The following SFPQ variants were observed in gnomAD, a reference collection of about 807,000 sequenced individuals.
The protein encoded by SFPQ is splicing factor proline and glutamine rich, also known as splicing factor, proline- and glutamine-rich.
A neutral mutation model predicts 72.9 loss-of-function variants in SFPQ; 11 were observed. That is an observed-to-expected ratio of 0.15 (90% CI 0.09 to 0.25). The LOEUF (loss-of-function observed/expected upper bound fraction) is 0.25. SFPQ is among the 10% of genes least tolerant of loss of function. The probability of loss-of-function intolerance (pLI) is 1.00; values close to 1 mark genes in which losing one functional copy is unlikely to be tolerated. For synonymous variants in SFPQ, 506 were observed against 367.3 expected, an observed-to-expected ratio of 1.38 and a Z score of -4.32; for missense variants, 847 against 993.3, an observed-to-expected ratio of 0.85 and a Z score of 1.98.
In SFPQ at chr1:35,183,667, GT is replaced by G; in HGVS notation, c.*788del. 1.9e-6 allele frequency: 2 copies of G among 1,038,804 alleles called. No individual in the cohort carries two copies. Among genetic ancestry groups the G allele is most frequent in the African/African-American group, 3.4e-5 (2 of 59,632 alleles). The allele number at this position is 1,038,804 out of a possible 1,614,324, so 64.3% of individuals were successfully genotyped here. A position where few individuals can be genotyped will look rare whatever the true frequency, so the allele number is the denominator to read the frequency against. ...AAGCCATTTATAGGGCTTGAGATTT[GT>G]TGGTCTTTTAAAAACAAGAAATGGG... On this transcript the variant is annotated 3_prime_UTR_variant, in exon 10 of 10. Coordinates refer to ENST00000357214, the MANE Select transcript of SFPQ (RefSeq NM_005066.3).
chr1:35,186,938 C>T, intron 9 of SFPQ, 63 bp downstream of exon 9: 8 of 1,524,578 alleles, frequency 5.2e-6, no homozygotes, highest in Non-Finnish European at 7.1e-6. Context: ...CAAAACAAAA[C>T]AAACACACCT....
Position 35,190,822 on chromosome 1 carries a change from A to G in SFPQ, c.1191T>C (p.Ile397=). Residue 397 remains isoleucine, a synonymous_variant, in exon 3 of 10, where the codon ATT becomes ATC. Transcript: ENST00000357214. ...CATCCACTATTACAACAGCCCTTTC[A>G]ATAGGACCAAATTGGCTAAAGGCTT... is the stretch of plus-strand genomic sequence containing the variant. ...LEEAFSQFGP[I]ERAVVIVDDR... is the part of the protein sequence containing the mutation. 6.2e-7 allele frequency: 1 copy of G among 1,614,190 alleles called. No homozygotes were observed. The highest frequency in any genetic ancestry group is 8.5e-7 in the Non-Finnish European group (1 of 1,180,036).
At chr1:35,188,765 T>C (rs1639851287) in intron 6 of SFPQ, among the ~76,000 whole-genome samples, 1 of 152,232 alleles carries the variant, frequency 6.6e-6, no homozygotes, top group South Asian at 2.1e-4. Flanking sequence ...AAGGCCAGCC[T>C]GGCCAACATG....
chr1:35,191,017 G>T, intron 2 of SFPQ, 22 bp from the exon 3 acceptor site: 1 of 1,595,964 alleles, frequency 6.3e-7, no homozygotes, highest in Non-Finnish European at 8.6e-7. Context: ...AGACACTCAT[G>T]TTAATGACCT....
chr1:35,177,906 A>G (rs1470243925), intron 4 of SFPQ: 3 of 514,562 alleles, frequency 5.8e-6, no homozygotes, highest in East Asian at 1.7e-4. Context: ...CAAATATCGA[A>G]GTTTCACTCC....
At chr1:35,177,643 A>G (rs866151135) in intron 4 of SFPQ, 2 of 154,000 alleles carry the variant, frequency 1.3e-5, no homozygotes, top group South Asian at 4.0e-4. Flanking sequence ...ACCTTCTCCT[A>G]CATTTTCTTA....
At chr1:35,180,100 C>G (rs1639404476), downstream of SFPQ, 2 of 1,050,390 alleles carry the variant, frequency 1.9e-6, no homozygotes, top group South Asian at 9.1e-5. Flanking sequence ...AACGAGCAAG[C>G]TTTTTCTTGA....
intron 7 of SFPQ, 106 bp from the exon 8 acceptor site, chr1:35,187,357 A>G: frequency 2.0e-6 from 2 of 1,021,344 alleles, no homozygotes; most frequent in Non-Finnish European, 3.1e-6. Flanking sequence ...GGTAAAGTTC[A>G]AAAGTTCATC....
downstream of SFPQ, chr1:35,180,547 G>T (rs1639425060): frequency 9.5e-7 from 1 of 1,049,102 alleles, no homozygotes; most frequent in African/African-American, 1.7e-5. Context: ...CCCATAACTT[G>T]AACTATTCAC....
chr1:35,192,242 C>T lies in SFPQ; in HGVS notation c.808G>A (p.Glu270Lys), dbSNP rs904017341. 3 of 1,463,008 alleles carry T rather than the reference C, an allele frequency of 2.1e-6. No homozygotes were observed. The highest frequency in any genetic ancestry group is 1.5e-5 in the African/African-American group (1 of 67,604). 90.6% of individuals were successfully genotyped at this position (1,463,008 alleles called of 1,614,324 possible). ...CTCACCTCCGAGTCCGAGATCTTCT[C>T]CTCGCTGCGGCCGCCGGGCCCGCCG... ...PPGGPGGRSE[E>K]KISDSEGFKA... is the part of the protein sequence containing the mutation. The change falls in exon 1 of 10, where the codon GAG (glutamate) becomes AAG (lysine). Residue 270 changes from glutamate (E) to lysine (K), a missense_variant. Glu to Lys is a moderately conservative substitution (Grantham distance 56, BLOSUM62 1). Transcript: ENST00000357214.
intron 1 of SFPQ, 88 bp downstream of exon 1, chr1:35,192,134 A>G (rs1640039657): frequency 3.5e-6 from 4 of 1,127,876 alleles, no homozygotes; most frequent in Non-Finnish European, 4.5e-6. Context: ...GGCAGCCGAC[A>G]AAATGGAAGC....
chr1:35,182,254 T>C (rs1187872020), downstream of SFPQ: 3 of 985,094 alleles, frequency 3.0e-6, no homozygotes, highest in Non-Finnish European at 3.6e-6. Flanking sequence ...GTCCCTACTA[T>C]ATAATTCAAC....
In SFPQ at chr1:35,189,280, T is replaced by C. The variant is rs201934405; in HGVS notation, c.1518A>G (p.Glu506=). The change falls in exon 5 of 10, where the codon GAA becomes GAG. Residue 506 remains glutamate (E), a synonymous_variant. Transcript: ENST00000357214. The part of the protein sequence containing the change: ...SLDEMEKQQR[E]QVEKNMKDAK... ...CATCTTTCATGTTTTTTTCAACTTG[T>C]TCCCTTTGCTGTTTTTCCATTTCAT... 8 of 1,613,914 alleles carry C rather than the reference T, an allele frequency of 5.0e-6. No individual in the cohort carries two copies. The African/African-American group carries it at 5.3e-5, about 11-fold the overall frequency.
downstream of SFPQ, chr1:35,181,212 G>A (rs1639451763): frequency 3.8e-6 from 4 of 1,065,422 alleles, no homozygotes; most frequent in South Asian, 4.6e-5. Context: ...TGCCATTTGC[G>A]GTACTACGTT....
In SFPQ at chr1:35,192,465, ACCCGGG is replaced by A. The variant is rs1202631821; in HGVS notation, c.579_584del (p.Gly197_Pro198del). ...GACCTGGGCCCTGCTTAGGCCCTGG[ACCCGGG>A]CCCGGGACTGCCGCGGGCGGAGGCG... On this transcript the variant is annotated inframe_deletion, in exon 1 of 10. Coordinates refer to ENST00000357214, the MANE Select transcript of SFPQ (RefSeq NM_005066.3). 7.4e-7 allele frequency: 1 copy of A among 1,351,490 alleles called. No individual in the cohort carries two copies. The highest frequency in any genetic ancestry group is 3.1e-5 in the East Asian group (1 of 32,226). The allele number at this position is 1,351,490 out of a possible 1,614,324, so 83.7% of individuals were successfully genotyped here.
chr1:35,188,963 A>C, intron 6 of SFPQ, 40 bp downstream of exon 6: 1 of 1,540,308 alleles, frequency 6.5e-7, no homozygotes, highest in Non-Finnish European at 9.0e-7. Context: ...GTTTCAAAGA[A>C]AAAAATAAAT....
At chr1:35,185,808 T>TA (rs991248529) in intron 9 of SFPQ, among the ~76,000 whole-genome samples, 5 of 151,876 alleles carry the variant, frequency 3.3e-5, no homozygotes, top group South Asian at 2.1e-4. Context: ...TCTAAGAACT[T>TA]AAAAAAAAGA....
chr1:35,177,868 G>A, intron 4 of SFPQ: 1 of 284,812 alleles, frequency 3.5e-6, no homozygotes, highest in Non-Finnish European at 5.7e-6. Flanking sequence ...AAAATAAAGG[G>A]ATATTATCTT....
chr1:35,181,858 A>G (rs1639483122), downstream of SFPQ: 2 of 985,134 alleles, frequency 2.0e-6, no homozygotes, highest in Non-Finnish European at 2.4e-6. Flanking sequence ...TTGAAAGTCT[A>G]TTTGAGTAAG....
Sources: gnomAD v4.1 joint callset for allele counts (sites outside exome capture counted in the v4.1 genomes callset) on GRCh38, gnomAD v4.1.1 for gene constraint, MANE v1.5 for transcripts, NCBI Gene and HGNC (gene_info 2026-07-23, HGNC 2026-07-21) for gene names.